Variants in CELF4 observed in about 807,000 individuals in gnomAD.
The protein encoded by CELF4 is CUG-BP- and ETR-3-like factor 4.
A neutral mutation model predicts 59.9 loss-of-function variants in CELF4; 18 were observed. The ratio of observed to expected loss-of-function variants is 0.30; its 90% CI spans 0.21 to 0.45. The LOEUF (loss-of-function observed/expected upper bound fraction) is 0.45. Ranked by LOEUF, CELF4 falls within the 20% of genes least tolerant of loss-of-function variation. The probability of loss-of-function intolerance (pLI) is 1.00; values close to 1 mark genes in which losing one functional copy is unlikely to be tolerated. For synonymous variants in CELF4, 261 were observed against 267.1 expected, an observed-to-expected ratio of 0.98 and a Z score of 0.22; for missense variants, 456 against 689.0, an observed-to-expected ratio of 0.66 and a Z score of 3.79.
intron 12 of CELF4, among the ~76,000 whole-genome samples, chr18:37,250,666 G>T (rs567241540): frequency 2.6e-5 from 4 of 152,156 alleles, no homozygotes; most frequent in African/African-American, 9.6e-5. Context: ...CTGATTTTTT[G>T]TGCCTTTTCC....
chr18:37,346,306 A>G (rs1393846817), intron 2 of CELF4, among the ~76,000 whole-genome samples: 1 of 152,178 alleles, frequency 6.6e-6, no homozygotes, highest in African/African-American at 2.4e-5. Flanking sequence ...CCAGAATGCT[A>G]TAGGTCACAG....
chr18:37,565,326 G>A (rs1310937456), intron 1 of CELF4, 30 bp downstream of exon 1: 1 of 1,463,774 alleles, frequency 6.8e-7, no homozygotes, highest in Non-Finnish European at 9.1e-7. Flanking sequence ...CCTGCTCCCC[G>A]GCAAAGTTGG....
intron 2 of CELF4, among the ~76,000 whole-genome samples, chr18:37,398,568 T>C (rs1171117471): frequency 6.6e-6 from 1 of 152,100 alleles, no homozygotes; most frequent in Non-Finnish European, 1.5e-5. Context: ...AGGGGCCTTC[T>C]GCTGAGACAT....
chr18:37,434,643 C>G (rs1314109526), intron 2 of CELF4, among the ~76,000 whole-genome samples: 1 of 152,160 alleles, frequency 6.6e-6, no homozygotes, highest in Non-Finnish European at 1.5e-5. Flanking sequence ...GCACCAGGAA[C>G]CAGGGCCTTT....
intron 2 of CELF4, among the ~76,000 whole-genome samples, chr18:37,472,697 T>C (rs2099836892): frequency 6.6e-6 from 1 of 152,000 alleles, no homozygotes; most frequent in Non-Finnish European, 1.5e-5. Flanking sequence ...GGAGGCTAGG[T>C]TGTTAAATTT....
intron 2 of CELF4, among the ~76,000 whole-genome samples, chr18:37,334,775 A>T (rs1021470843): frequency 5.9e-5 from 9 of 151,466 alleles, no homozygotes; most frequent in African/African-American, 1.7e-4. Flanking sequence ...CCTCAATCTT[A>T]GGCCTGGAGA....
chr18:37,355,401 A>C (rs1253128881), intron 2 of CELF4, among the ~76,000 whole-genome samples: 1 of 152,162 alleles, frequency 6.6e-6, no homozygotes, highest in East Asian at 1.9e-4. Flanking sequence ...GGCCTGGTGC[A>C]GTGGCTAACG....
In CELF4 at chr18:37,254,467, C is replaced by T. The variant is rs2067859295; in HGVS notation, c.1334-529G>A. ...ACCGCCGGCCCGGCCGCCCCCCTCG[C>T]CACCGCAGGTGCCCGGCTGTCGGAG... On this transcript the variant is annotated intron_variant, in intron 11 of 12. Transcript: ENST00000420428. This position sits in a 1 kb window ranked among gnomAD's most constrained non-coding sequence, Gnocchi z 5.1. Among the ~76,000 whole-genome samples the T allele has an allele frequency of 6.6e-6, 1 of 151,962 alleles. No individual in the cohort carries two copies. Among genetic ancestry groups the T allele is most frequent in the African/African-American group, 2.4e-5 (1 of 41,394 alleles).
intron 2 of CELF4, among the ~76,000 whole-genome samples, chr18:37,425,847 A>T (rs2099608715): frequency 6.6e-6 from 1 of 152,246 alleles, no homozygotes; most frequent in African/African-American, 2.4e-5. Context: ...GGCCTGCCTG[A>T]TTAGGGGACC....
intron 2 of CELF4, among the ~76,000 whole-genome samples, chr18:37,478,016 A>G (rs2099855185): frequency 6.6e-6 from 1 of 152,210 alleles, no homozygotes; most frequent in Non-Finnish European, 1.5e-5. Flanking sequence ...GCTCTGCGTC[A>G]GGGAGAGACA....
At chr18:37,524,519 G>T (rs963197904) in intron 1 of CELF4, among the ~76,000 whole-genome samples, 5 of 152,130 alleles carry the variant, frequency 3.3e-5, no homozygotes, top group South Asian at 2.1e-4. Flanking sequence ...GACTTGACGC[G>T]CCCTAATCCC....
chr18:37,443,961 T>A (rs1301462912), intron 2 of CELF4, among the ~76,000 whole-genome samples: 1 of 152,172 alleles, frequency 6.6e-6, no homozygotes, highest in Non-Finnish European at 1.5e-5. Context: ...GGGCCTGACG[T>A]GTATCTGTGA....
At chr18:37,402,337 C>G (rs561337193) in intron 2 of CELF4, among the ~76,000 whole-genome samples, 2 of 152,344 alleles carry the variant, frequency 1.3e-5, no homozygotes, top group South Asian at 4.1e-4. Context: ...GATGCTCGCT[C>G]TTGCTCCTAA....
intron 3 of CELF4, among the ~76,000 whole-genome samples, chr18:37,296,301 A>G (rs1373193): frequency 0.48 from 72,980 of 152,012 alleles, 17,924 homozygotes; most frequent in South Asian, 0.62. Context: ...GTGTTACAGA[A>G]AGACTATAGC....
chr18:37,447,221 A>G (rs8182392), intron 2 of CELF4, among the ~76,000 whole-genome samples: 35,924 of 152,250 alleles, frequency 0.24, 4,612 homozygotes, highest in South Asian at 0.35. Flanking sequence ...ATCACCAAAC[A>G]CTTGGCATCC....
intron 2 of CELF4, among the ~76,000 whole-genome samples, chr18:37,458,225 G>T (rs976630116): frequency 1.3e-5 from 2 of 152,132 alleles, no homozygotes; most frequent in African/African-American, 4.8e-5. Flanking sequence ...TTCCCATTAG[G>T]GCTCTGCTTT....
intron 1 of CELF4, among the ~76,000 whole-genome samples, chr18:37,524,739 C>G (rs998978658): frequency 6.6e-6 from 1 of 152,198 alleles, no homozygotes; most frequent in South Asian, 2.1e-4. Context: ...CGGCCCACAG[C>G]CCCTGCTCCC....
intron 2 of CELF4, among the ~76,000 whole-genome samples, chr18:37,482,750 G>A (rs1255723300): frequency 2.0e-5 from 3 of 152,172 alleles, no homozygotes; most frequent in African/African-American, 7.2e-5. Flanking sequence ...GGTGGTGTGT[G>A]TGTATGACAG....
intron 3 of CELF4, among the ~76,000 whole-genome samples, chr18:37,313,485 G>T (rs1056801366): frequency 6.6e-6 from 1 of 152,094 alleles, no homozygotes; most frequent in Non-Finnish European, 1.5e-5. Flanking sequence ...CTGCACACTC[G>T]CTAAACTGCC....
Sources: gnomAD v4.1 joint callset for allele counts (sites outside exome capture counted in the v4.1 genomes callset) on GRCh38, gnomAD v4.1.1 for gene constraint, Gnocchi (gnomAD v3.1) non-coding constraint, MANE v1.5 for transcripts, NCBI Gene and HGNC (gene_info 2026-07-23, HGNC 2026-07-21) for gene names.